AGO3: variants seen among roughly 807,000 people sequenced by gnomAD.
The protein encoded by AGO3 is protein argonaute-3.
Under a neutral mutation model 105.5 loss-of-function variants are expected in AGO3, and 16 were observed. The observed-to-expected ratio is 0.15, with a 90% CI of 0.10 to 0.23. The LOEUF is 0.23. AGO3 is among the 10% of genes least tolerant of loss of function. AGO3 has a pLI of 1.00. For synonymous variants in AGO3, 340 were observed against 367.3 expected (o/e 0.93, Z 0.85); for missense variants, 534 against 1,088.0 (o/e 0.49, Z 7.16).
chr1:35,990,776 A>G (rs989114191), intron 5 of AGO3, among the ~76,000 whole-genome samples: 1 of 152,220 alleles, frequency 6.6e-6, no homozygotes, highest in Admixed American at 6.5e-5. Context: ...TACTTCATGT[A>G]TTTGTCTTGA....
intron 8 of AGO3, 127 bp downstream of exon 8, chr1:36,009,171 A>T: frequency 8.3e-7 from 1 of 1,205,532 alleles, no homozygotes; most frequent in Non-Finnish European, 1.1e-6. Flanking sequence ...GTTTTAATTT[A>T]TTCTAAATTT....
chr1:36,021,320 A>C (rs1006213200), intron 11 of AGO3, among the ~76,000 whole-genome samples: 5 of 152,276 alleles, frequency 3.3e-5, no homozygotes, highest in African/African-American at 4.8e-5. Flanking sequence ...TAACTGTGGA[A>C]ATGACTTTAA....
At chr1:36,041,036 G>A (rs1642220231) in intron 16 of AGO3, among the ~76,000 whole-genome samples, 1 of 131,038 alleles carries the variant, frequency 7.6e-6, no homozygotes, top group African/African-American at 2.9e-5. Flanking sequence ...TGGTGCCACT[G>A]TACTCCAGCC....
intron 1 of AGO3, among the ~76,000 whole-genome samples, chr1:35,941,118 A>G (rs192675767): frequency 1.3e-5 from 2 of 152,160 alleles, no homozygotes; most frequent in Non-Finnish European, 2.9e-5. Context: ...ACTTGCTACT[A>G]TCACTGAGTC....
rs1236994220 is a variant in AGO3 at position 36,043,680 on chromosome 1, A to G, written c.2274+132A>G. On this transcript the variant is annotated intron_variant, in intron 17 of 18. Coordinates refer to ENST00000373191, the MANE Select transcript of AGO3 (RefSeq NM_024852.4). Reference sequence around the variant, plus strand: ...TTGTTTCCACATGAAATTAGATGAAACTTTCAGTAAACAAATGTCTTCCCT... The same window carrying G: ...TTGTTTCCACATGAAATTAGATGAAGCTTTCAGTAAACAAATGTCTTCCCT... 3 of 749,740 alleles carry G rather than the reference A, an allele frequency of 4.0e-6. No individual in the cohort carries two copies. In the African/African-American group the frequency reaches 5.4e-5, roughly 14 times the overall value. The allele number at this position is 749,740 out of a possible 1,614,324, so 46.4% of individuals were successfully genotyped here.
chr1:35,979,093 G>T (rs951166137), intron 5 of AGO3, among the ~76,000 whole-genome samples: 1 of 152,092 alleles, frequency 6.6e-6, no homozygotes, highest in Admixed American at 6.6e-5. Context: ...GGCTGGGCGC[G>T]GTGGCTCATG....
At position 36,014,017 on chromosome 1, in the gene AGO3, A is replaced by G; in HGVS notation, c.1375A>G (p.Thr459Ala). The G allele has an allele frequency of 1.2e-6, 2 of 1,614,188 alleles. No individual in the cohort carries two copies. The highest frequency in any genetic ancestry group is 1.7e-6 in the Non-Finnish European group (2 of 1,180,036). The part of the protein sequence containing the change: ...IKMWAIACFA[T>A]QRQCREEILK... Reference sequence around the variant, plus strand: ...AATGTGGGCTATCGCTTGTTTTGCCACACAGAGGCAGTGCAGAGAAGAAAT... The same window carrying G: ...AATGTGGGCTATCGCTTGTTTTGCCGCACAGAGGCAGTGCAGAGAAGAAAT... The change falls in exon 11 of 19, where the codon ACA (threonine) becomes GCA (alanine). Residue 459 changes from threonine to alanine, a missense_variant. Around this residue, in one of 2 missense-constraint regions of AGO3, gnomAD observed 373 missense variants for 854.0 expected, o/e 0.44. Transcript: ENST00000373191.
At chr1:36,015,141 G>C (rs1305803658) in intron 11 of AGO3, among the ~76,000 whole-genome samples, 1 of 152,108 alleles carries the variant, frequency 6.6e-6, no homozygotes, top group African/African-American at 2.4e-5. Flanking sequence ...CAGGCCTCTG[G>C]TCATGGGTTC....
Position 36,070,330 on chromosome 1 carries a change from T to C in AGO3, c.*14585T>C, listed in dbSNP as rs1393976787. The C allele has an allele frequency of 1.3e-5, 2 of 152,224 alleles. No individual in the cohort carries two copies. Among genetic ancestry groups the C allele is most frequent in the Non-Finnish European group, 2.9e-5 (2 of 68,046 alleles). 9.4% of individuals were successfully genotyped at this position (152,224 alleles called of 1,614,324 possible). A position where few individuals can be genotyped will look rare whatever the true frequency, so the allele number is the denominator to read the frequency against. ...TCATGTACCTATAAAGGTTAAAATA[T>C]AGTGAAAGTTTCTGCTTCATGTGAA... On this transcript the variant is annotated 3_prime_UTR_variant, in exon 19 of 19. Transcript: ENST00000373191.
Position 36,027,201 on chromosome 1 carries a change from G to A in AGO3, c.1494G>A (p.Gly498=). 1 of 1,614,178 alleles carries A rather than the reference G, an allele frequency of 6.2e-7. No individual in the cohort carries two copies. Among genetic ancestry groups the A allele is most frequent in the South Asian group, 1.1e-5 (1 of 91,078 alleles). Residue 498 remains glycine (G), a synonymous_variant, in exon 12 of 19, where the codon GGG becomes GGA. Transcript: ENST00000373191. This position sits in a 1 kb window ranked among gnomAD's most constrained non-coding sequence, Gnocchi z 4.0. ...GQPCFCKYAQ[G]ADSVEPMFRH... is the part of the protein sequence containing the mutation. ...CATGCTTCTGCAAATATGCACAGGG[G>A]GCAGACAGCGTAGAGCCCATGTTCC...
chr1:36,002,039 A>G (rs1640108477), intron 5 of AGO3, among the ~76,000 whole-genome samples: 1 of 152,190 alleles, frequency 6.6e-6, no homozygotes, highest in African/African-American at 2.4e-5. Context: ...TTTTTTTGAG[A>G]CGAAATGTCT....
intron 5 of AGO3, among the ~76,000 whole-genome samples, chr1:36,003,709 A>AATATATAT (rs1235994406): frequency 2.2e-4 from 22 of 99,424 alleles, no homozygotes; most frequent in East Asian, 5.9e-4. Context: ...AAAAAAAAAA[A>AATATATAT]ATATATATAT....
chr1:35,952,002 A>G (rs997434186), intron 2 of AGO3, among the ~76,000 whole-genome samples: 3 of 152,108 alleles, frequency 2.0e-5, no homozygotes, highest in Admixed American at 6.6e-5. Context: ...CATCCTCTCA[A>G]AAAGAAACCC....
chr1:36,038,891 G>A lies in AGO3; in HGVS notation c.1843-899G>A, dbSNP rs437668. Among the ~76,000 whole-genome samples the A allele has an allele frequency of 2.2e-3, 332 of 152,264 alleles. 2 individuals are homozygous for A. Among genetic ancestry groups the A allele is most frequent in the African/African-American group, 5.1e-3 (212 of 41,556 alleles). ...ATTCTGATTTTAAAATTTATGAAGCGTAACAGTTCTAAGATGAAGCTAAAG... is the reference window on the plus strand; with the variant it reads ...ATTCTGATTTTAAAATTTATGAAGCATAACAGTTCTAAGATGAAGCTAAAG... On this transcript the variant is annotated intron_variant, in intron 14 of 18. Coordinates refer to ENST00000373191, the MANE Select transcript of AGO3 (RefSeq NM_024852.4).
intron 11 of AGO3, among the ~76,000 whole-genome samples, chr1:36,018,766 T>C (rs964333342): frequency 2.0e-5 from 3 of 152,114 alleles, no homozygotes; most frequent in African/African-American, 7.2e-5. Context: ...CAAATAAAAG[T>C]ATACCTTGTG....
intron 3 of AGO3, 128 bp from the exon 4 acceptor site, chr1:35,971,896 A>T (rs1646877376): frequency 3.6e-6 from 3 of 822,278 alleles, no homozygotes; most frequent in Non-Finnish European, 5.7e-6. Flanking sequence ...ACAAAAAAAA[A>T]TGGTATATTT....
chr1:35,978,482 G>A (rs955444778), intron 5 of AGO3, among the ~76,000 whole-genome samples: 2 of 152,230 alleles, frequency 1.3e-5, no homozygotes, highest in South Asian at 2.1e-4. Flanking sequence ...GTGAGCCACC[G>A]CATCTGGCCT....
intron 1 of AGO3, 93 bp from the exon 2 acceptor site, chr1:35,945,599 A>G: frequency 1.6e-6 from 2 of 1,281,006 alleles, no homozygotes; most frequent in Non-Finnish European, 2.2e-6. Context: ...AGCCATTATC[A>G]GCTGTACTTA....
intron 17 of AGO3, among the ~76,000 whole-genome samples, chr1:36,049,275 T>C (rs998956378): frequency 1.3e-5 from 2 of 152,094 alleles, no homozygotes; most frequent in Non-Finnish European, 2.9e-5. Context: ...ATCCCAGCAC[T>C]TTGGGAGGCC....
Sources: gnomAD v4.1 joint callset for allele counts (sites outside exome capture counted in the v4.1 genomes callset) on GRCh38, gnomAD v4.1.1 for gene constraint, gnomAD v4.1.1 regional missense constraint, Gnocchi (gnomAD v3.1) non-coding constraint, MANE v1.5 for transcripts, NCBI Gene and HGNC (gene_info 2026-07-23, HGNC 2026-07-21) for gene names.